Variants in ULK4 observed in about 807,000 individuals in gnomAD.
ULK4 encodes unc-51 like kinase 4, also known as inactive serine/threonine-protein kinase ULK4.
ULK4 carries 133 observed loss-of-function variants against 160.6 expected under a neutral mutation model. The ratio of observed to expected loss-of-function variants is 0.83; its 90% CI spans 0.72 to 0.96. The LOEUF is 0.96. Among genes scored for constraint, ULK4 ranks in the 40% least tolerant of loss-of-function variants. The pLI is 0.00. For missense variants in ULK4, 1,580 were observed against 1,499.5 expected (o/e 1.05, Z -0.89); for synonymous variants, 534 against 539.8 (o/e 0.99, Z 0.15).
Position 41,789,930 on chromosome 3 carries a change from G to A in ULK4, c.2011-87C>T, listed in dbSNP as rs2040099314. On this transcript the variant is annotated intron_variant, in intron 20 of 36. Coordinates refer to ENST00000301831, the MANE Select transcript of ULK4 (RefSeq NM_017886.4). ...AGGTAACACATGCTTCTGTGTCAAG[G>A]AGTAGAAGGTGCTTACTTGGCTCTT... 5 of 1,229,688 alleles carry A rather than the reference G, an allele frequency of 4.1e-6. No individual in the cohort carries two copies. In the Admixed American group the frequency reaches 8.7e-5, roughly 21 times the overall value. The allele number at this position is 1,229,688 out of a possible 1,614,324, so 76.2% of individuals were successfully genotyped here. A position where few individuals can be genotyped will look rare whatever the true frequency, so the allele number is the denominator to read the frequency against.
chr3:41,574,377 C>A (rs2088108824), intron 31 of ULK4, among the ~76,000 whole-genome samples: 1 of 151,888 alleles, frequency 6.6e-6, no homozygotes, highest in Non-Finnish European at 1.5e-5. Context: ...CACAAAGTAC[C>A]CTCGAATCTC....
intron 2 of ULK4, among the ~76,000 whole-genome samples, chr3:41,946,595 C>T (rs1700118312): frequency 6.6e-6 from 1 of 152,178 alleles, no homozygotes; most frequent in South Asian, 2.1e-4. Context: ...CAGTACATTT[C>T]CCAATAGTAC....
chr3:41,655,220 C>T (rs758783914), intron 30 of ULK4, among the ~76,000 whole-genome samples: 3 of 151,824 alleles, frequency 2.0e-5, no homozygotes, highest in Non-Finnish European at 4.4e-5. Flanking sequence ...AGTTCATGTC[C>T]TTTGCAGGGA....
intron 35 of ULK4, among the ~76,000 whole-genome samples, chr3:41,305,561 G>C (rs927144091): frequency 2.6e-5 from 4 of 152,118 alleles, no homozygotes; most frequent in East Asian, 3.9e-4. Flanking sequence ...GCGTGATCTC[G>C]GCTCGCTACA....
chr3:41,720,741 T>G (rs962955373), intron 22 of ULK4, among the ~76,000 whole-genome samples: 2 of 152,186 alleles, frequency 1.3e-5, no homozygotes, highest in Admixed American at 6.5e-5. Flanking sequence ...TTGACAAGAC[T>G]GCCATCAAGA....
intron 32 of ULK4, among the ~76,000 whole-genome samples, chr3:41,558,705 A>AG (rs1169204560): frequency 1.3e-5 from 2 of 150,450 alleles, no homozygotes; most frequent in African/African-American, 4.9e-5. Flanking sequence ...CTCCATCTCA[A>AG]AAAAAAAAGA....
At chr3:41,312,637 AAAAAC>A (rs919993786) in intron 35 of ULK4, among the ~76,000 whole-genome samples, 1 of 147,254 alleles carries the variant, frequency 6.8e-6, no homozygotes, top group African/African-American at 2.6e-5. Context: ...TCTACAGAAA[AAAAAC>A]AAAAACAAAC....
intron 21 of ULK4, among the ~76,000 whole-genome samples, chr3:41,780,048 T>C (rs927825488): frequency 5.4e-5 from 8 of 148,976 alleles, no homozygotes; most frequent in Non-Finnish European, 1.0e-4. Context: ...ATCTGCAATT[T>C]CCAACACTTT....
At chr3:41,584,657 G>C (rs1483245149) in intron 31 of ULK4, among the ~76,000 whole-genome samples, 1 of 152,118 alleles carries the variant, frequency 6.6e-6, no homozygotes, top group Non-Finnish European at 1.5e-5. Flanking sequence ...GATGTGGGAA[G>C]AAATTTGCAA....
At chr3:41,805,273 G>A (rs1347412150) in intron 19 of ULK4, among the ~76,000 whole-genome samples, 1 of 151,900 alleles carries the variant, frequency 6.6e-6, no homozygotes, top group Non-Finnish European at 1.5e-5. Context: ...CTCATGATTT[G>A]GCTCTCTGTT....
intron 35 of ULK4, among the ~76,000 whole-genome samples, chr3:41,307,204 A>G (rs1044229451): frequency 9.3e-5 from 14 of 150,424 alleles, no homozygotes; most frequent in African/African-American, 3.4e-4. Context: ...AAGGTGCAGC[A>G]GCAGAAAAAT....
intron 29 of ULK4, among the ~76,000 whole-genome samples, chr3:41,670,514 T>C (rs1031812014): frequency 1.3e-5 from 2 of 152,168 alleles, no homozygotes; most frequent in East Asian, 1.9e-4. Context: ...TGTAAATGAA[T>C]AGTGAAATGG....
At chr3:41,658,998 G>T (rs1229020538) in intron 30 of ULK4, among the ~76,000 whole-genome samples, 4 of 152,136 alleles carry the variant, frequency 2.6e-5, no homozygotes, top group Non-Finnish European at 4.4e-5. Context: ...TATTTTGATT[G>T]TGATAGTAGT....
intron 32 of ULK4, among the ~76,000 whole-genome samples, chr3:41,483,267 T>G (rs1411299148): frequency 1.3e-5 from 2 of 152,140 alleles, no homozygotes; most frequent in African/African-American, 4.8e-5. Flanking sequence ...ACATGTGAAG[T>G]TTCACTTATT....
At chr3:41,467,937 T>C (rs771078859) in intron 32 of ULK4, among the ~76,000 whole-genome samples, 26 of 152,156 alleles carry the variant, frequency 1.7e-4, no homozygotes, top group Non-Finnish European at 3.4e-4. Context: ...TAAAATATAC[T>C]TAAATTTAAA....
intron 32 of ULK4, among the ~76,000 whole-genome samples, chr3:41,504,072 C>T (rs1303942946): frequency 1.3e-5 from 2 of 152,078 alleles, no homozygotes; most frequent in East Asian, 1.9e-4. Flanking sequence ...TCATTTGATT[C>T]AAATTAAGAC....
At chr3:41,565,732 T>C (rs564049565) in intron 32 of ULK4, among the ~76,000 whole-genome samples, 2 of 152,302 alleles carry the variant, frequency 1.3e-5, no homozygotes, top group African/African-American at 4.8e-5. Flanking sequence ...TAATCCGTTA[T>C]AGCAACAGAA....
intron 32 of ULK4, among the ~76,000 whole-genome samples, chr3:41,479,351 A>G (rs1450838124): frequency 1.3e-4 from 20 of 152,210 alleles, no homozygotes; most frequent in Admixed American, 1.3e-3. Flanking sequence ...GACTGAAGGA[A>G]TTACAAAAAA....
chr3:41,283,283 G>A (rs937636206), intron 35 of ULK4, among the ~76,000 whole-genome samples: 5 of 152,098 alleles, frequency 3.3e-5, no homozygotes, highest in African/African-American at 4.8e-5. Context: ...TTGACCAAGC[G>A]ATCCCATTAC....
Sources: allele counts gnomAD v4.1 joint callset (sites outside exome capture counted in the v4.1 genomes callset), GRCh38; gene constraint gnomAD v4.1.1; transcripts MANE v1.5; gene names NCBI Gene and HGNC (gene_info 2026-07-23, HGNC 2026-07-21).